The following CDYL variants were observed in gnomAD, a reference collection of about 807,000 sequenced individuals.
CDYL encodes chromodomain Y-like protein.
A neutral mutation model predicts 47.3 loss-of-function variants in CDYL; 8 were observed. The ratio of observed to expected loss-of-function variants is 0.17; its 90% confidence interval spans 0.10 to 0.31. The LOEUF is 0.31. Ranked by LOEUF, CDYL falls within the 10% of genes least tolerant of loss-of-function variation. The pLI is 1.00. For synonymous variants in CDYL, 266 were observed against 265.0 expected (o/e 1.00, Z -0.04); for missense variants, 471 against 701.4 (o/e 0.67, Z 3.71).
intron 2 of CDYL, among the ~76,000 whole-genome samples, chr6:4,901,013 T>C (rs1019568081): frequency 6.7e-6 from 1 of 148,736 alleles, no homozygotes; most frequent in East Asian, 2.1e-4. Context: ...CACTCAGGGG[T>C]GAGGTAGGAC....
intron 1 of CDYL, among the ~76,000 whole-genome samples, chr6:4,779,838 T>C (rs1282737739): frequency 6.6e-6 from 1 of 152,236 alleles, no homozygotes; most frequent in Non-Finnish European, 1.5e-5. Context: ...CCTCATGTAG[T>C]GCAAAAGCAG....
At chr6:4,782,803 C>T (rs557369348) in intron 1 of CDYL, among the ~76,000 whole-genome samples, 18 of 152,312 alleles carry the variant, frequency 1.2e-4, no homozygotes, top group African/African-American at 3.1e-4. Flanking sequence ...CTGCCCTCCA[C>T]GGACCACTTT....
chr6:4,844,319 G>T (rs1297885856), intron 1 of CDYL, among the ~76,000 whole-genome samples: 3 of 152,228 alleles, frequency 2.0e-5, no homozygotes, highest in Non-Finnish European at 2.9e-5. Context: ...AGCTGTGGTA[G>T]TATAGGGAGG....
intron 2 of CDYL, among the ~76,000 whole-genome samples, chr6:4,895,493 GTATACATA>G (rs1388090381): frequency 7.1e-6 from 1 of 140,856 alleles, no homozygotes; most frequent in African/African-American, 2.7e-5. Flanking sequence ...ATATATACAT[GTATACATA>G]TATACGTATA....
At chr6:4,881,073 A>G (rs1164591334) in intron 1 of CDYL, among the ~76,000 whole-genome samples, 1 of 152,086 alleles carries the variant, frequency 6.6e-6, no homozygotes, top group East Asian at 1.9e-4. Flanking sequence ...TGTAGATAGC[A>G]TGTACTTGGG....
chr6:4,921,470 TTA>T (rs1442178098), intron 2 of CDYL, among the ~76,000 whole-genome samples: 23 of 152,186 alleles, frequency 1.5e-4, no homozygotes, highest in Non-Finnish European at 2.8e-4. Context: ...CTTGATCTTT[TTA>T]TGTTTTATTT....
At chr6:4,793,794 A>T (rs955566304) in intron 1 of CDYL, among the ~76,000 whole-genome samples, 1 of 152,086 alleles carries the variant, frequency 6.6e-6, no homozygotes, top group African/African-American at 2.4e-5. Context: ...TTACCCATGG[A>T]TGGATATCGG....
intron 2 of CDYL, among the ~76,000 whole-genome samples, chr6:4,905,411 C>T (rs558936600): frequency 2.6e-5 from 4 of 152,312 alleles, no homozygotes; most frequent in African/African-American, 9.6e-5. Context: ...ACTGTCTCCT[C>T]AGCTGCTCAG....
chr6:4,767,727 A>G (rs576371144), intron 3 of CDYL, among the ~76,000 whole-genome samples: 1 of 152,302 alleles, frequency 6.6e-6, no homozygotes, highest in South Asian at 2.1e-4. Flanking sequence ...TGTAATAAAA[A>G]TCAAGACCTG....
intron 1 of CDYL, among the ~76,000 whole-genome samples, chr6:4,812,638 A>G (rs575865009): frequency 6.6e-6 from 1 of 152,244 alleles, no homozygotes; most frequent in South Asian, 2.1e-4. Context: ...TCAAAATTAT[A>G]TTGGCTTTTA....
rs976415540 is a variant in CDYL at position 4,894,239 on chromosome 6, T to G, written c.691+1860T>G. Among the ~76,000 whole-genome samples the G allele has an allele frequency of 2.0e-5, 3 of 152,156 alleles. No homozygotes were observed. In the East Asian group the frequency reaches 5.8e-4, roughly 29 times the overall value. Reference sequence around the variant, plus strand: ...CAGAAGGGGAACCAGAGCGCGTGCCTTAGTGCCTCCCTGGCGTTCTTCCCA... The same window carrying G: ...CAGAAGGGGAACCAGAGCGCGTGCCGTAGTGCCTCCCTGGCGTTCTTCCCA... On this transcript the variant is annotated intron_variant, in intron 2 of 6. Coordinates refer to ENST00000397588, the MANE Select transcript of CDYL (RefSeq NM_004824.4).
chr6:4,723,033 G>A (rs1306928137), intron 2 of CDYL, among the ~76,000 whole-genome samples: 2 of 152,168 alleles, frequency 1.3e-5, no homozygotes, highest in Non-Finnish European at 2.9e-5. Context: ...AATGCCTTCT[G>A]TGTATAAAGT....
intron 1 of CDYL, among the ~76,000 whole-genome samples, chr6:4,886,483 A>G (rs1761903576): frequency 6.6e-6 from 1 of 152,146 alleles, no homozygotes; most frequent in South Asian, 2.1e-4. Flanking sequence ...AATGATGTTG[A>G]GCGTCTTTCC....
At position 4,869,743 on chromosome 6, in the gene CDYL, C is replaced by T. The variant is rs1247187991; in HGVS notation, c.25-21970C>T. On this transcript the variant is annotated intron_variant, in intron 1 of 6. Transcript: ENST00000397588. Reference sequence around the variant, plus strand: ...TTTGTATCTCTCCATCTCCTCCCCCCTCCTTTTTGGTAATTTATTCATATT... The same window carrying T: ...TTTGTATCTCTCCATCTCCTCCCCCTTCCTTTTTGGTAATTTATTCATATT... Among the ~76,000 whole-genome samples, 7 of 152,268 alleles carry T rather than the reference C, an allele frequency of 4.6e-5. 1 individual carries two copies. The East Asian group carries it at 9.6e-4, about 21-fold the overall frequency.
intron 1 of CDYL, among the ~76,000 whole-genome samples, chr6:4,867,851 C>T (rs1456505044): frequency 2.0e-5 from 3 of 149,186 alleles, no homozygotes. Context: ...TTATAGTTTC[C>T]TAGGAATTTT....
At chr6:4,953,682 A>G (rs1383403113) in intron 6 of CDYL, among the ~76,000 whole-genome samples, 1 of 152,180 alleles carries the variant, frequency 6.6e-6, no homozygotes, top group Non-Finnish European at 1.5e-5. Context: ...CTCTCCTTTG[A>G]AATAAGCCGT....
chr6:4,762,814 G>C (rs1268917341), intron 3 of CDYL, among the ~76,000 whole-genome samples: 3 of 152,086 alleles, frequency 2.0e-5, no homozygotes, highest in African/African-American at 7.2e-5. Flanking sequence ...GTAGTGAAAA[G>C]CTGTAACATA....
intron 1 of CDYL, among the ~76,000 whole-genome samples, chr6:4,819,529 C>G (rs1759774625): frequency 6.6e-6 from 1 of 152,118 alleles, no homozygotes; most frequent in African/African-American, 2.4e-5. Flanking sequence ...GGGTCCAGCT[C>G]ATTGCTTTAA....
At chr6:4,811,395 A>G (rs1759524276) in intron 1 of CDYL, among the ~76,000 whole-genome samples, 1 of 152,186 alleles carries the variant, frequency 6.6e-6, no homozygotes, top group East Asian at 1.9e-4. Flanking sequence ...ATAGGCTGTC[A>G]CTGCTAGCTT....
Sources: gnomAD v4.1 joint callset for allele counts (sites outside exome capture counted in the v4.1 genomes callset) on GRCh38, gnomAD v4.1.1 for gene constraint, MANE v1.5 for transcripts, NCBI Gene and HGNC (gene_info 2026-07-23, HGNC 2026-07-21) for gene names.